The following ERBB4 variants were observed in gnomAD, a reference collection of about 807,000 sequenced individuals.
ERBB4 encodes the protein receptor tyrosine-protein kinase erbB-4.
ERBB4 carries 42 observed loss-of-function variants against 158.0 expected under a neutral mutation model. That is an observed-to-expected ratio of 0.27 (90% CI 0.21 to 0.34). The LOEUF is 0.34. ERBB4 is among the 10% of genes least tolerant of loss of function. The pLI, the probability that ERBB4 is intolerant of heterozygous loss-of-function variation, is 1.00. For missense variants in ERBB4, 1,333 were observed against 1,624.1 expected (o/e 0.82, Z 3.08); for synonymous variants, 583 against 558.7 (o/e 1.04, Z -0.61).
intron 3 of ERBB4, among the ~76,000 whole-genome samples, chr2:211,928,646 C>T (rs1275621125): frequency 6.6e-6 from 1 of 152,140 alleles, no homozygotes; most frequent in Non-Finnish European, 1.5e-5. Context: ...TACTAAGCTT[C>T]CCATGAGTGT....
intron 2 of ERBB4, among the ~76,000 whole-genome samples, chr2:212,066,481 ATTGT>A (rs2077951467): frequency 1.3e-5 from 2 of 152,034 alleles, no homozygotes; most frequent in African/African-American, 4.8e-5. Context: ...TAAAAGAAAC[ATTGT>A]CAAAGTAAGA....
chr2:211,531,218 T>C (rs1179256813), intron 20 of ERBB4, among the ~76,000 whole-genome samples: 1 of 152,114 alleles, frequency 6.6e-6, no homozygotes, highest in Admixed American at 6.5e-5. Flanking sequence ...ACTATTAAAA[T>C]AAAACATTGG....
intron 3 of ERBB4, among the ~76,000 whole-genome samples, chr2:211,905,197 C>A (rs149231695): frequency 6.6e-6 from 1 of 152,168 alleles, no homozygotes; most frequent in Non-Finnish European, 1.5e-5. Context: ...GGAGAACAAT[C>A]TGTTCACTTG....
intron 2 of ERBB4, among the ~76,000 whole-genome samples, chr2:212,055,822 T>C (rs1047859674): frequency 4.6e-5 from 7 of 152,112 alleles, no homozygotes; most frequent in African/African-American, 1.4e-4. Flanking sequence ...ACCACAAAGA[T>C]GGGGAAAAAA....
At chr2:212,117,032 C>T (rs751679440) in intron 2 of ERBB4, among the ~76,000 whole-genome samples, 2 of 152,186 alleles carry the variant, frequency 1.3e-5, no homozygotes, top group Non-Finnish European at 2.9e-5. Context: ...AAAAGCCAGC[C>T]GTAAATACAC....
intron 1 of ERBB4, among the ~76,000 whole-genome samples, chr2:212,256,509 C>T (rs960212796): frequency 1.3e-5 from 2 of 152,064 alleles, no homozygotes; most frequent in East Asian, 1.9e-4. Context: ...AAGTTACATG[C>T]GTTCTTTTGG....
chr2:212,507,119 G>A (rs1468412049), intron 1 of ERBB4, among the ~76,000 whole-genome samples: 1 of 151,574 alleles, frequency 6.6e-6, no homozygotes, highest in Non-Finnish European at 1.5e-5. Context: ...GCTCTATATG[G>A]AACAACTAGC....
intron 12 of ERBB4, among the ~76,000 whole-genome samples, chr2:211,697,683 TTTC>T (rs2073076362): frequency 6.6e-6 from 1 of 152,212 alleles, no homozygotes; most frequent in African/African-American, 2.4e-5. Flanking sequence ...AAATACTTCT[TTTC>T]TTCTTTCAGA....
At chr2:212,193,125 G>A (rs1287948572) in intron 1 of ERBB4, among the ~76,000 whole-genome samples, 1 of 152,054 alleles carries the variant, frequency 6.6e-6, no homozygotes, top group African/African-American at 2.4e-5. Flanking sequence ...TTTACCTCCT[G>A]GGTTTGGATA....
chr2:211,785,337 G>A (rs1418128374), intron 4 of ERBB4, among the ~76,000 whole-genome samples: 2 of 152,122 alleles, frequency 1.3e-5, no homozygotes, highest in Non-Finnish European at 2.9e-5. Flanking sequence ...TCCTGATCGC[G>A]TGATCCGCCC....
chr2:211,671,836 A>T (rs1440158686), intron 14 of ERBB4, among the ~76,000 whole-genome samples: 1 of 152,186 alleles, frequency 6.6e-6, no homozygotes. Flanking sequence ...GTTTCATGAC[A>T]TTCTTTACAG....
chr2:211,905,902 G>A (rs2079379798), intron 3 of ERBB4, among the ~76,000 whole-genome samples: 1 of 151,240 alleles, frequency 6.6e-6, no homozygotes, highest in African/African-American at 2.4e-5. Flanking sequence ...AAAGTTCAAA[G>A]GCACCAAAGA....
chr2:211,610,765 G>A (rs12104781), intron 19 of ERBB4, among the ~76,000 whole-genome samples: 4,348 of 152,258 alleles, frequency 0.029, 236 homozygotes, highest in African/African-American at 0.099. Flanking sequence ...ACAGACAACT[G>A]ATTTCCATTT....
At chr2:212,020,280 A>T (rs2076620034) in intron 2 of ERBB4, among the ~76,000 whole-genome samples, 1 of 152,116 alleles carries the variant, frequency 6.6e-6, no homozygotes, top group Non-Finnish European at 1.5e-5. Context: ...TCTAAAAAAA[A>T]TAGACTCAAT....
chr2:212,031,320 A>T (rs1464814030), intron 2 of ERBB4, among the ~76,000 whole-genome samples: 1 of 152,084 alleles, frequency 6.6e-6, no homozygotes, highest in African/African-American at 2.4e-5. Context: ...CTATATTTAA[A>T]TTTTTTATAT....
At chr2:212,099,504 CCA>C (rs1483545006) in intron 2 of ERBB4, among the ~76,000 whole-genome samples, 1 of 152,150 alleles carries the variant, frequency 6.6e-6, no homozygotes, top group Non-Finnish European at 1.5e-5. Context: ...GTATGTCTTT[CCA>C]CAGTTTTACT....
At chr2:212,041,760 T>C (rs1385072288) in intron 2 of ERBB4, among the ~76,000 whole-genome samples, 2 of 152,096 alleles carry the variant, frequency 1.3e-5, no homozygotes, top group Admixed American at 6.6e-5. Context: ...GTCAAAGGCA[T>C]GTCCTTCAAT....
chr2:211,944,439 A>G (rs2080621789), intron 3 of ERBB4, among the ~76,000 whole-genome samples: 1 of 151,410 alleles, frequency 6.6e-6, no homozygotes, highest in African/African-American at 2.4e-5. Context: ...GATTATAGAA[A>G]AACTTTATTC....
chr2:212,097,701 A>T (rs995817868), intron 2 of ERBB4, among the ~76,000 whole-genome samples: 2 of 152,180 alleles, frequency 1.3e-5, no homozygotes, highest in Non-Finnish European at 1.5e-5. Context: ...AAAACCAGGA[A>T]ATAATAGTGT....
Sources: gnomAD v4.1 joint callset for allele counts (sites outside exome capture counted in the v4.1 genomes callset) on GRCh38, gnomAD v4.1.1 for gene constraint, MANE v1.5 for transcripts, NCBI Gene and HGNC (gene_info 2026-07-23, HGNC 2026-07-21) for gene names.